The following DNASE1 variants were observed in gnomAD, a reference collection of about 807,000 sequenced individuals.
DNASE1 encodes the protein deoxyribonuclease 1, also known as deoxyribonuclease-1.
DNASE1 carries 40 observed loss-of-function variants against 33.9 expected under a neutral mutation model. The observed-to-expected ratio is 1.18, with a 90% CI of 0.92 to 1.54. The LOEUF (loss-of-function observed/expected upper bound fraction) is 1.54. Among genes scored for constraint, DNASE1 ranks in the 40% most tolerant of loss-of-function variants. The probability of loss-of-function intolerance (pLI) is 0.00; values close to 1 mark genes in which losing one functional copy is unlikely to be tolerated. For synonymous variants in DNASE1, 216 were observed against 160.0 expected (o/e 1.35, Z -2.64); for missense variants, 518 against 372.6 (o/e 1.39, Z -3.21).
intron 8 of DNASE1, 39 bp downstream of exon 8, chr16:3,657,855 C>T (rs1429888851): frequency 1.2e-6 from 2 of 1,613,974 alleles, no homozygotes; most frequent in Non-Finnish European, 1.7e-6. Flanking sequence ...GAGGATGGGA[C>T]ACAGGAGCTC....
At chr16:3,656,240 G>A (rs1398783520) in intron 4 of DNASE1, 55 bp downstream of exon 4, 1 of 1,552,724 alleles carries the variant, frequency 6.4e-7, no homozygotes, top group East Asian at 2.2e-5. Flanking sequence ...GGCCCCAACA[G>A]AGCAGGGAAG....
At chr16:3,620,008 G>A (rs1375546291) in intron 1 of DNASE1, among the ~76,000 whole-genome samples, 6 of 149,092 alleles carry the variant, frequency 4.0e-5, no homozygotes, top group Non-Finnish European at 5.9e-5. Flanking sequence ...CCCCGCCTCC[G>A]GGGTTCAAGT....
chr16:3,635,556 C>T (rs184135835), intron 1 of DNASE1, among the ~76,000 whole-genome samples: 1 of 151,542 alleles, frequency 6.6e-6, no homozygotes, highest in African/African-American at 2.4e-5. Flanking sequence ...TATTTCTGAC[C>T]TGTATTATTT....
exon 10 of DNASE1, chr16:3,664,130 G>A: frequency 1.2e-6 from 1 of 844,436 alleles, no homozygotes; most frequent in East Asian, 3.0e-5. Context: ...GTCACAGTCG[G>A]TCCGGCCTCT....
Position 3,656,071 on chromosome 16 carries a change from G to C in DNASE1, c.237-31G>C, listed in dbSNP as rs371966877. Reference sequence around the variant, plus strand: ...GCCAGAGGGGTCCCCTATGGCCCCCGCCACTGGGACCTTTTGTTTCTTCAA... The same window carrying C: ...GCCAGAGGGGTCCCCTATGGCCCCCCCCACTGGGACCTTTTGTTTCTTCAA... On this transcript the variant is annotated intron_variant, in intron 3 of 8. Transcript: ENST00000246949. The C allele has an allele frequency of 6.8e-6, 11 of 1,613,086 alleles. No homozygotes were observed. The East Asian group carries it at 2.5e-4, about 36-fold the overall frequency.
At chr16:3,630,867 G>A (rs1443116861) in intron 1 of DNASE1, among the ~76,000 whole-genome samples, 1 of 151,896 alleles carries the variant, frequency 6.6e-6, no homozygotes. Flanking sequence ...AAAAAAGTAA[G>A]TTTCTTATAG....
At chr16:3,634,206 G>C (rs970981362) in intron 1 of DNASE1, among the ~76,000 whole-genome samples, 1 of 151,250 alleles carries the variant, frequency 6.6e-6, no homozygotes, top group Non-Finnish European at 1.5e-5. Flanking sequence ...TTTTGTTTTT[G>C]TTGTCGAGAC....
chr16:3,616,783 C>A (rs1253576567), intron 1 of DNASE1, among the ~76,000 whole-genome samples: 2 of 151,996 alleles, frequency 1.3e-5, no homozygotes, highest in Non-Finnish European at 2.9e-5. Flanking sequence ...GGTACTGTAC[C>A]AGCATAAGGA....
At chr16:3,657,624 T>A in intron 7 of DNASE1, 96 bp from the exon 8 acceptor site, 1 of 1,522,718 alleles carries the variant, frequency 6.6e-7, no homozygotes, top group South Asian at 1.2e-5. Flanking sequence ...AGACCTGCAC[T>A]GGCAGGTCCC....
intron 7 of DNASE1, 27 bp from the exon 8 acceptor site, chr16:3,657,693 C>CTACTT: frequency 6.2e-7 from 1 of 1,613,324 alleles, no homozygotes; most frequent in South Asian, 1.1e-5. Flanking sequence ...AAAGGGGAAC[C>CTACTT]TACTTTCTCT....
At chr16:3,644,079 A>T (rs1373117569) in intron 1 of DNASE1, among the ~76,000 whole-genome samples, 1 of 152,186 alleles carries the variant, frequency 6.6e-6, no homozygotes, top group Non-Finnish European at 1.5e-5. Flanking sequence ...AAGATGATGG[A>T]TTGTTTCATA....
At chr16:3,642,521 C>T (rs1285476830), upstream of DNASE1, among the ~76,000 whole-genome samples, 2 of 152,024 alleles carry the variant, frequency 1.3e-5, no homozygotes, top group Admixed American at 6.5e-5. Flanking sequence ...TCTGACACAC[C>T]TTTCATCCAG....
chr16:3,654,926 C>A lies in DNASE1; in HGVS notation c.-120C>A. 1 of 457,208 alleles carries A rather than the reference C, an allele frequency of 2.2e-6. No individual in the cohort carries two copies. Among genetic ancestry groups the A allele is most frequent in the Non-Finnish European group, 3.8e-6 (1 of 261,826 alleles). 28.3% of individuals were successfully genotyped at this position (457,208 alleles called of 1,614,324 possible). ...GGCCTTGAAGTGCTTCTTCAGAGAC[C>A]TTTCTTCATAGACTACTTTTTTTTC... is the stretch of plus-strand genomic sequence containing the variant. On this transcript the variant is annotated 5_prime_UTR_variant, in exon 1 of 9. Coordinates refer to ENST00000246949, the MANE Select transcript of DNASE1 (RefSeq NM_005223.4).
chr16:3,658,403 A>G, downstream of DNASE1: 1 of 629,004 alleles, frequency 1.6e-6, no homozygotes, highest in Non-Finnish European at 2.8e-6. Context: ...TACAGGCGTG[A>G]GCCACCACGC....
In DNASE1 at chr16:3,655,524, A is replaced by G; in HGVS notation, c.147+4A>G. ...CCTCGTCAGCTACATTGTGCAGGTG[A>G]GGCCAGGGCAGCCTCCCCCCAAAAG... On this transcript the variant is annotated splice_donor_region_variant and intron_variant, in intron 2 of 8. Transcript: ENST00000246949. 3 of 1,614,074 alleles carry G rather than the reference A, an allele frequency of 1.9e-6. No homozygotes were observed. The highest frequency in any genetic ancestry group is 2.5e-6 in the Non-Finnish European group (3 of 1,180,028).
At chr16:3,656,257 G>T in intron 4 of DNASE1, 72 bp downstream of exon 4, 2 of 1,508,256 alleles carry the variant, frequency 1.3e-6, no homozygotes, top group Non-Finnish European at 1.8e-6. Flanking sequence ...GAAGTAGTTT[G>T]TCCTATTAGT....
chr16:3,617,018 G>A (rs945727671), intron 1 of DNASE1, among the ~76,000 whole-genome samples: 1 of 152,068 alleles, frequency 6.6e-6, no homozygotes, highest in African/African-American at 2.4e-5. Context: ...AGACCCAATG[G>A]AAGAGTGAAA....
At chr16:3,658,423 T>C, downstream of DNASE1, 1 of 606,952 alleles carries the variant, frequency 1.6e-6, no homozygotes, top group Non-Finnish European at 2.9e-6. Context: ...CCTGGCCATT[T>C]TTCCGTTTTT....
At position 3,654,737 on chromosome 16, in the gene DNASE1, G is replaced by A. The variant is rs45479597; in HGVS notation, c.-309G>A. ...AACCTGTGCTTACAGAAAGAAACACGTGCTAGCAACCCACCTATGCGGAAA... is the reference window on the plus strand; with the variant it reads ...AACCTGTGCTTACAGAAAGAAACACATGCTAGCAACCCACCTATGCGGAAA... On this transcript the variant is annotated 5_prime_UTR_variant, in exon 1 of 9. The change creates a new upstream start codon in the 5' untranslated region. Transcript: ENST00000246949. 0.057 allele frequency: 22,675 copies of A among 399,256 alleles called. 715 individuals are homozygous for A. Among genetic ancestry groups the A allele is most frequent in the Non-Finnish European group, 0.064 (14,418 of 226,616 alleles). 24.7% of individuals were successfully genotyped at this position (399,256 alleles called of 1,614,324 possible).
Sources: allele counts gnomAD v4.1 joint callset (sites outside exome capture counted in the v4.1 genomes callset), GRCh38; gene constraint gnomAD v4.1.1; transcripts MANE v1.5; gene names NCBI Gene and HGNC (gene_info 2026-07-23, HGNC 2026-07-21).